The following RTKN2 variants were observed in gnomAD, a reference collection of about 807,000 sequenced individuals.
The protein encoded by RTKN2 is rhotekin 2.
In RTKN2, 69 loss-of-function variants were observed where a neutral mutation model predicts 71.5. The ratio of observed to expected loss-of-function variants is 0.96; its 90% CI spans 0.79 to 1.18. The LOEUF is 1.18. Ranked by LOEUF, RTKN2 falls within the 50% of genes most tolerant of loss-of-function variation. The pLI is 0.00. For synonymous variants in RTKN2, 236 were observed against 236.5 expected (o/e 1.00, Z 0.02); for missense variants, 724 against 719.7 (o/e 1.01, Z -0.07).
rs1479775849 is a variant in RTKN2, at chr10:62,198,054, G to A, written c.1684C>T (p.Leu562Phe). The change falls in exon 12 of 12, where the codon CTT becomes TTT. Residue 562 changes from leucine (L) to phenylalanine (F), a missense_variant. Leu to Phe is a conservative substitution (Grantham distance 22). Coordinates refer to ENST00000373789, the MANE Select transcript of RTKN2 (RefSeq NM_145307.4). ...AATCTATTTCTCCTGGCAGGCAGAA[G>A]TTTTCGAGGAGCAGCCATTGGTTTC... ...LQKPMAAPRK[L>F]LPARRNRLSD... 3.1e-6 allele frequency: 5 copies of A among 1,614,092 alleles called. No homozygotes were observed. The highest frequency in any genetic ancestry group is 4.2e-6 in the Non-Finnish European group (5 of 1,179,970).
chr10:62,224,564 T>A (rs1471980632), intron 6 of RTKN2, among the ~76,000 whole-genome samples: 3 of 151,894 alleles, frequency 2.0e-5, no homozygotes, highest in Non-Finnish European at 4.4e-5. Flanking sequence ...AGATCCAGCA[T>A]TACATTCTGA....
At chr10:62,237,834 ATTG>A (rs1842289931) in intron 5 of RTKN2, among the ~76,000 whole-genome samples, 2 of 151,392 alleles carry the variant, frequency 1.3e-5, no homozygotes, top group African/African-American at 2.4e-5. Flanking sequence ...TTAATCTAGT[ATTG>A]GCCTGGAATG....
intron 4 of RTKN2, 74 bp from the exon 5 acceptor site, chr10:62,239,839 A>G: frequency 1.3e-6 from 1 of 746,268 alleles, no homozygotes; most frequent in Non-Finnish European, 2.3e-6. Context: ...TTGAAAATAA[A>G]TATTAGGTTA....
At chr10:62,208,414 T>A (rs1271586665) in intron 9 of RTKN2, among the ~76,000 whole-genome samples, 1 of 152,130 alleles carries the variant, frequency 6.6e-6, no homozygotes, top group African/African-American at 2.4e-5. Flanking sequence ...TCTTGTCCTA[T>A]CAGAAATCTA....
intron 9 of RTKN2, among the ~76,000 whole-genome samples, chr10:62,206,946 T>C (rs1050793805): frequency 1.8e-4 from 27 of 152,118 alleles, no homozygotes; most frequent in African/African-American, 6.5e-4. Flanking sequence ...AGGAAGAATC[T>C]TTGATATGCT....
chr10:62,219,132 T>G (rs1389229724), intron 7 of RTKN2, among the ~76,000 whole-genome samples: 1 of 152,174 alleles, frequency 6.6e-6, no homozygotes, highest in African/African-American at 2.4e-5. Context: ...TGAACATCTG[T>G]GCCAGGACTG....
chr10:62,252,696 C>T (rs1033645358), intron 2 of RTKN2, among the ~76,000 whole-genome samples: 4 of 151,242 alleles, frequency 2.6e-5, no homozygotes, highest in African/African-American at 9.7e-5. Context: ...TTACTAAAAG[C>T]AAAAAATCAA....
chr10:62,267,479 G>A (rs776903370), intron 1 of RTKN2, among the ~76,000 whole-genome samples: 50 of 152,178 alleles, frequency 3.3e-4, no homozygotes, highest in Middle Eastern at 3.4e-3. Context: ...TAACAGGACA[G>A]GACTGAAAAA....
rs1252501303 is a variant in RTKN2, at chr10:62,193,109, T to A, written c.*4799A>T. The A allele has an allele frequency of 2.0e-6, 1 of 496,106 alleles. No homozygotes were observed. The highest frequency in any genetic ancestry group is 2.1e-5 in the African/African-American group (1 of 48,060). The allele number at this position is 496,106 out of a possible 1,614,324, so 30.7% of individuals were successfully genotyped here. On this transcript the variant is annotated 3_prime_UTR_variant, in exon 12 of 12. Coordinates refer to ENST00000373789, the MANE Select transcript of RTKN2 (RefSeq NM_145307.4). ...AATTCAGTTAAATGTTTATTAAGAT[T>A]AAGTTCTACAAAAATGCATCCATTC... is the stretch of plus-strand genomic sequence containing the variant.
At chr10:62,235,082 T>C (rs765384072) in intron 6 of RTKN2, among the ~76,000 whole-genome samples, 1 of 151,920 alleles carries the variant, frequency 6.6e-6, no homozygotes, top group African/African-American at 2.4e-5. Context: ...ATTCAAAATA[T>C]GGAAAATTCT....
intron 2 of RTKN2, among the ~76,000 whole-genome samples, chr10:62,259,776 T>G (rs766938265): frequency 1.1e-4 from 17 of 152,152 alleles, no homozygotes; most frequent in Non-Finnish European, 2.2e-4. Context: ...GATCTCGAAC[T>G]CCTGAGCTCA....
intron 5 of RTKN2, among the ~76,000 whole-genome samples, chr10:62,236,518 T>C (rs890764725): frequency 2.6e-5 from 4 of 152,016 alleles, no homozygotes; most frequent in African/African-American, 9.7e-5. Context: ...GAAAGCAGTA[T>C]AGAGGTTCCT....
rs1841345301 is a variant in RTKN2 at position 62,197,053 on chromosome 10, G to A, written c.*855C>T. On this transcript the variant is annotated 3_prime_UTR_variant, in exon 12 of 12. Transcript: ENST00000373789. ...AAGAATTCTGAAAATTATTTACCAT[G>A]GCCAACTTTTCTGATATTTTTGAAT... 1.0e-6 allele frequency: 1 copy of A among 976,468 alleles called. No homozygotes were observed. The highest frequency in any genetic ancestry group is 1.2e-6 in the Non-Finnish European group (1 of 822,110). The allele number at this position is 976,468 out of a possible 1,614,324, so 60.5% of individuals were successfully genotyped here.
chr10:62,194,890 A>G lies in RTKN2; in HGVS notation c.*3018T>C. 1 of 984,916 alleles carries G rather than the reference A, an allele frequency of 1.0e-6. No homozygotes were observed. Among genetic ancestry groups the G allele is most frequent in the Non-Finnish European group, 1.2e-6 (1 of 829,474 alleles). 61.0% of individuals were successfully genotyped at this position (984,916 alleles called of 1,614,324 possible). A position where few individuals can be genotyped will look rare whatever the true frequency, so the allele number is the denominator to read the frequency against. On this transcript the variant is annotated 3_prime_UTR_variant, in exon 12 of 12. Coordinates refer to ENST00000373789, the MANE Select transcript of RTKN2 (RefSeq NM_145307.4). ...ATAATAAATGGATTTAGTTTTCCACATATATTCACATCCATTTAAAAGAAG... is the reference window on the plus strand; with the variant it reads ...ATAATAAATGGATTTAGTTTTCCACGTATATTCACATCCATTTAAAAGAAG...
intron 6 of RTKN2, among the ~76,000 whole-genome samples, chr10:62,227,411 G>T (rs1393339375): frequency 6.6e-6 from 1 of 152,104 alleles, no homozygotes; most frequent in Non-Finnish European, 1.5e-5. Context: ...AGAACAGAAG[G>T]AAGAGTATTT....
At position 62,239,749 on chromosome 10, in the gene RTKN2, G is replaced by A. The variant is rs1842334332; in HGVS notation, c.387C>T (p.Ala129=). ...FSNKERSRRY[A]IFCLFKMGAN... ...CTCCCATTTTGAATAAACAAAAAAT[G>A]GCATAGCGTCGTGATCCTGGAGGAA... is the stretch of plus-strand genomic sequence containing the variant. Residue 129 remains alanine (A), a synonymous_variant, in exon 5 of 12, where the codon GCC becomes GCT. Transcript: ENST00000373789. 1 of 1,584,288 alleles carries A rather than the reference G, an allele frequency of 6.3e-7. No homozygotes were observed. The highest frequency in any genetic ancestry group is 2.3e-5 in the East Asian group (1 of 43,912).
chr10:62,219,512 GT>G (rs1841858511), intron 7 of RTKN2, among the ~76,000 whole-genome samples: 2 of 152,162 alleles, frequency 1.3e-5, no homozygotes, highest in African/African-American at 4.8e-5. Flanking sequence ...TGGTGGTAAT[GT>G]ATTAGTATTC....
At chr10:62,229,461 TTAAGTC>T (rs1842103587) in intron 6 of RTKN2, among the ~76,000 whole-genome samples, 1 of 152,214 alleles carries the variant, frequency 6.6e-6, no homozygotes, top group Non-Finnish European at 1.5e-5. Context: ...CACACGTATG[TTAAGTC>T]TATCAAGAAA....
At position 62,197,000 on chromosome 10, in the gene RTKN2, A is replaced by G; in HGVS notation, c.*908T>C. 1 of 972,602 alleles carries G rather than the reference A, an allele frequency of 1.0e-6. No individual in the cohort carries two copies. Among genetic ancestry groups the G allele is most frequent in the Non-Finnish European group, 1.2e-6 (1 of 818,354 alleles). 60.2% of individuals were successfully genotyped at this position (972,602 alleles called of 1,614,324 possible). On this transcript the variant is annotated 3_prime_UTR_variant, in exon 12 of 12. Coordinates refer to ENST00000373789, the MANE Select transcript of RTKN2 (RefSeq NM_145307.4). Reference sequence around the variant, plus strand: ...CTAGCAGACATCAACTCTTACTAGGAAAAGGAAATCTAATTAAAATTTTAA... The same window carrying G: ...CTAGCAGACATCAACTCTTACTAGGGAAAGGAAATCTAATTAAAATTTTAA...
Sources: allele counts gnomAD v4.1 joint callset (sites outside exome capture counted in the v4.1 genomes callset), GRCh38; gene constraint gnomAD v4.1.1; transcripts MANE v1.5; gene names NCBI Gene and HGNC (gene_info 2026-07-23, HGNC 2026-07-21).